CANX: variants seen among roughly 807,000 people sequenced by gnomAD.
The protein encoded by CANX is calnexin.
In CANX, 14 loss-of-function variants were observed where a neutral mutation model predicts 75.7. The observed-to-expected ratio is 0.19, with a 90% CI of 0.12 to 0.29. CANX has a LOEUF of 0.29. Ranked by LOEUF, CANX falls within the 10% of genes least tolerant of loss-of-function variation. The pLI is 1.00. For synonymous variants in CANX, 227 were observed against 236.9 expected, an observed-to-expected ratio of 0.96 and a Z score of 0.38; for missense variants, 567 against 713.2, an observed-to-expected ratio of 0.79 and a Z score of 2.34.
At chr5:179,699,198 T>C in intron 1 of CANX, 96 bp downstream of exon 1, 12 of 757,562 alleles carry the variant, frequency 1.6e-5, no homozygotes, top group Non-Finnish European at 1.9e-5. Flanking sequence ...GGCCGGCGAC[T>C]GAGGGGTCGG....
intron 13 of CANX, 140 bp from the exon 14 acceptor site, chr5:179,726,540 C>T: frequency 3.6e-6 from 2 of 560,060 alleles, no homozygotes; most frequent in Non-Finnish European, 6.5e-6. Context: ...CGCGCCACTG[C>T]ACTCCAGCCT....
intron 1 of CANX, among the ~76,000 whole-genome samples, chr5:179,683,335 G>C (rs541193177): frequency 6.6e-6 from 1 of 150,998 alleles, no homozygotes; most frequent in African/African-American, 2.4e-5. Context: ...GGGTTTCACC[G>C]TGTTGGCCAG....
intron 1 of CANX, among the ~76,000 whole-genome samples, chr5:179,700,725 C>T (rs1776679357): frequency 6.6e-6 from 1 of 152,196 alleles, no homozygotes; most frequent in Admixed American, 6.5e-5. Flanking sequence ...GTCGTTGCTG[C>T]CGTTTTGGCA....
intron 7 of CANX, among the ~76,000 whole-genome samples, chr5:179,712,844 C>T (rs1466526925): frequency 6.6e-6 from 1 of 151,874 alleles, no homozygotes; most frequent in Non-Finnish European, 1.5e-5. Context: ...TTGCCACAGC[C>T]TCCTGAGTAG....
intron 7 of CANX, among the ~76,000 whole-genome samples, chr5:179,712,490 C>T (rs1777638965): frequency 6.6e-6 from 1 of 151,700 alleles, no homozygotes; most frequent in Non-Finnish European, 1.5e-5. Context: ...GTGATCTTGG[C>T]TCACCACAAC....
chr5:179,695,111 G>A (rs879677055), upstream of CANX, among the ~76,000 whole-genome samples: 10 of 151,810 alleles, frequency 6.6e-5, no homozygotes, highest in Admixed American at 1.3e-4. Context: ...GTGCAGTGGC[G>A]CGATCTCAGC....
upstream of CANX, among the ~76,000 whole-genome samples, chr5:179,695,074 G>T (rs906637184): frequency 8.9e-4 from 72 of 80,474 alleles, 2 homozygotes; most frequent in Non-Finnish European, 7.5e-5. Flanking sequence ...TTTTGAGACG[G>T]AATCTTGCTC....
At chr5:179,701,459 TACTCGGGAGGCTGAGGCAGGAGA>T (rs1776751299) in intron 1 of CANX, among the ~76,000 whole-genome samples, 1 of 151,510 alleles carries the variant, frequency 6.6e-6, no homozygotes, top group African/African-American at 2.4e-5. Context: ...AACCTCCAGC[TACTCGGGAGGCTGAGGCAGGAGA>T]ATCACTAAAC....
chr5:179,689,379 G>GTTTTTGT (rs1314455784), intron 1 of CANX, among the ~76,000 whole-genome samples: 6 of 83,674 alleles, frequency 7.2e-5, no homozygotes, highest in African/African-American at 2.9e-4. Flanking sequence ...AACCCAACAA[G>GTTTTTGT]TTTTTTTTTT....
intron 10 of CANX, among the ~76,000 whole-genome samples, chr5:179,722,056 C>T (rs574451567): frequency 6.3e-4 from 96 of 152,148 alleles, no homozygotes; most frequent in Middle Eastern, 6.8e-3. Context: ...TTAGGCTGGG[C>T]GTAGTGGCTC....
intron 1 of CANX, among the ~76,000 whole-genome samples, chr5:179,684,973 T>G (rs1776164049): frequency 7.9e-6 from 1 of 126,976 alleles, no homozygotes; most frequent in Non-Finnish European, 1.6e-5. Flanking sequence ...GACAGGGTTT[T>G]CACCATGTTG....
intron 1 of CANX, among the ~76,000 whole-genome samples, chr5:179,684,409 A>G (rs1180015513): frequency 8.0e-6 from 1 of 124,556 alleles, no homozygotes; most frequent in African/African-American, 3.1e-5. Flanking sequence ...TTTTTTTTTC[A>G]GCTCACTGCA....
intron 1 of CANX, among the ~76,000 whole-genome samples, chr5:179,689,896 G>A (rs1776271000): frequency 6.6e-6 from 1 of 152,152 alleles, no homozygotes; most frequent in Non-Finnish European, 1.5e-5. Flanking sequence ...ATGGCTCCTG[G>A]TTCCTTTGAG....
chr5:179,719,820 T>G, intron 9 of CANX, 39 bp downstream of exon 9: 9 of 1,144,118 alleles, frequency 7.9e-6, no homozygotes, highest in Non-Finnish European at 1.1e-5. Context: ...TACCTGGTTT[T>G]TTTGTTTGTT....
intron 11 of CANX, chr5:179,723,424 T>C (rs1173912201): frequency 6.3e-6 from 3 of 477,426 alleles, no homozygotes; most frequent in Non-Finnish European, 1.1e-5. Context: ...AAGGGAGCCT[T>C]TTGCAGGTGA....
At position 179,726,692 on chromosome 5, in the gene CANX, A is replaced by G. The variant is rs1471097383; in HGVS notation, c.1658A>G (p.Lys553Arg). 6.2e-7 allele frequency: 1 copy of G among 1,613,064 alleles called. No homozygotes were observed. Among genetic ancestry groups the G allele is most frequent in the Non-Finnish European group, 8.5e-7 (1 of 1,179,016 alleles). ...ACTTCTGTCTTAGAAGAGAAACAGA[A>G]AAGTGATGCTGAAGAAGATGGTGGC... is the stretch of plus-strand genomic sequence containing the variant. ...EGEEKLEEKQ[K>R]SDAEEDGGTV... is the part of the protein sequence containing the mutation. Residue 553 changes from lysine (K) to arginine (R), a missense_variant, in exon 14 of 15, where the codon AAA (lysine) becomes AGA (arginine). This residue lies in a region of CANX where 167 missense variants were observed against 179.3 expected (regional missense o/e 0.93). Coordinates refer to ENST00000247461, the MANE Select transcript of CANX (RefSeq NM_001746.4).
chr5:179,718,178 T>C (rs1234645857), intron 8 of CANX, among the ~76,000 whole-genome samples: 1 of 151,654 alleles, frequency 6.6e-6, no homozygotes, highest in Non-Finnish European at 1.5e-5. Context: ...TTTTTATGGG[T>C]TTTTTGTTTG....
chr5:179,700,589 A>G (rs1776670420), intron 1 of CANX: 1 of 152,888 alleles, frequency 6.5e-6, no homozygotes, highest in Admixed American at 6.6e-5. Context: ...AGTGTTGCAC[A>G]ACAGAAATTT....
intron 2 of CANX, 108 bp from the exon 3 acceptor site, chr5:179,706,150 C>G: frequency 1.5e-6 from 1 of 670,688 alleles, no homozygotes; most frequent in East Asian, 2.8e-5. Context: ...TGAAGGCCAG[C>G]TATGAAATTT....
Sources: gnomAD v4.1 joint callset for allele counts (sites outside exome capture counted in the v4.1 genomes callset) on GRCh38, gnomAD v4.1.1 for gene constraint, gnomAD v4.1.1 regional missense constraint, MANE v1.5 for transcripts, NCBI Gene and HGNC (gene_info 2026-07-23, HGNC 2026-07-21) for gene names.